Variants in DUSP15 observed in about 807,000 individuals in gnomAD.
DUSP15 encodes the protein dual specificity phosphatase 15.
In DUSP15, 23 loss-of-function variants were observed where a neutral mutation model predicts 26.3. The ratio of observed to expected loss-of-function variants is 0.87; its 90% confidence interval spans 0.63 to 1.24. The LOEUF is 1.24. Among genes scored for constraint, DUSP15 ranks in the 50% most tolerant of loss-of-function variants. The pLI is 0.00. For missense variants in DUSP15, 364 were observed against 320.6 expected (o/e 1.14, Z -1.03); for synonymous variants, 143 against 135.5 (o/e 1.06, Z -0.39).
intron 2 of DUSP15, among the ~76,000 whole-genome samples, chr20:31,868,229 G>A (rs746015980): frequency 6.6e-6 from 1 of 152,150 alleles, no homozygotes; most frequent in Non-Finnish European, 1.5e-5. Context: ...TGCCCTTATG[G>A]GGCCTGCACA....
chr20:31,857,473 C>T (rs1427478432), downstream of DUSP15, among the ~76,000 whole-genome samples: 7 of 152,050 alleles, frequency 4.6e-5, no homozygotes, highest in Non-Finnish European at 7.4e-5. Flanking sequence ...GGTTTTGACC[C>T]TCCCCTACCA....
intron 6 of DUSP15, among the ~76,000 whole-genome samples, chr20:31,851,052 T>C (rs1401575359): frequency 6.6e-6 from 1 of 152,202 alleles, no homozygotes; most frequent in Non-Finnish European, 1.5e-5. Flanking sequence ...GGCTGTCCAA[T>C]GTATTAGAAG....
In DUSP15 at chr20:31,870,428, C is replaced by G; in HGVS notation, c.-91G>C. 1 of 1,296,556 alleles carries G rather than the reference C, an allele frequency of 7.7e-7. No homozygotes were observed. Among genetic ancestry groups the G allele is most frequent in the East Asian group, 3.0e-5 (1 of 33,210 alleles). 80.3% of individuals were successfully genotyped at this position (1,296,556 alleles called of 1,614,324 possible). ...TGCCCTGACGGCCCAGGCCCGACGCCTGCAGCCTGGCGGGGAACGGGGGGC... is the reference window on the plus strand; with the variant it reads ...TGCCCTGACGGCCCAGGCCCGACGCGTGCAGCCTGGCGGGGAACGGGGGGC... On this transcript the variant is annotated 5_prime_UTR_variant, in exon 1 of 7. Coordinates refer to ENST00000339738, the MANE Select transcript of DUSP15 (RefSeq NM_080611.5). This position sits in a 1 kb window ranked among gnomAD's most constrained non-coding sequence, Gnocchi z 6.6.
At chr20:31,856,296 A>G (rs2062562147), downstream of DUSP15, among the ~76,000 whole-genome samples, 2 of 152,064 alleles carry the variant, frequency 1.3e-5, no homozygotes, top group Admixed American at 6.5e-5. Context: ...AGGGAGGGGC[A>G]GTTCATGGAT....
At chr20:31,849,671 C>A in intron 8 of DUSP15, 1 of 1,529,106 alleles carries the variant, frequency 6.5e-7, no homozygotes, top group South Asian at 1.2e-5. Context: ...AGCTGCACAC[C>A]GCGCTCCAGG....
In DUSP15 at chr20:31,848,869, CAG is replaced by C; in HGVS notation, c.661_662del (p.Leu221ValfsTer4). ...GGCCCGGGTCCTCCTCACCGAAGCA[CAG>C]ACAGATCTGGTACTTTGGGTCCGGT... is the stretch of plus-strand genomic sequence containing the variant. On this transcript the variant is annotated frameshift_variant, in exon 9 of 10. Coordinates refer to the DUSP15 transcript ENST00000278979. LOFTEE classifies it high-confidence loss of function. 6.2e-7 allele frequency: 1 copy of C among 1,612,300 alleles called. No individual in the cohort carries two copies. Among genetic ancestry groups the C allele is most frequent in the Non-Finnish European group, 8.5e-7 (1 of 1,179,598 alleles).
intron 6 of DUSP15, among the ~76,000 whole-genome samples, chr20:31,855,730 C>T (rs183706403): frequency 2.4e-4 from 37 of 152,312 alleles, no homozygotes; most frequent in Non-Finnish European, 5.3e-4. Context: ...CTACTATGTG[C>T]CAGGCACAGT....
At chr20:31,850,109 C>T (rs1292059510) in intron 7 of DUSP15, among the ~76,000 whole-genome samples, 2 of 152,212 alleles carry the variant, frequency 1.3e-5, no homozygotes, top group East Asian at 3.8e-4. Flanking sequence ...AAGCTGGGGC[C>T]ATCTGTACAG....
At chr20:31,845,599 T>C, downstream of DUSP15, 1 of 1,587,526 alleles carries the variant, frequency 6.3e-7, no homozygotes, top group East Asian at 2.2e-5. Context: ...CTTCCAGGGC[T>C]GGCGTCCGGA....
At chr20:31,857,491 C>A (rs188272273), downstream of DUSP15, among the ~76,000 whole-genome samples, 1 of 152,250 alleles carries the variant, frequency 6.6e-6, no homozygotes, top group Admixed American at 6.5e-5. Flanking sequence ...CCATAGCTCC[C>A]CATTGCCCTT....
At chr20:31,870,623 G>A, upstream of DUSP15, 4 of 1,351,442 alleles carry the variant, frequency 3.0e-6, no homozygotes, top group South Asian at 4.0e-5. The surrounding 1 kb of genome is among the most constrained non-coding windows in gnomAD (Gnocchi z 6.6). Flanking sequence ...CGGGGGGCCG[G>A]ACAAAGCCCC....
chr20:31,862,754 A>C lies in DUSP15; in HGVS notation c.264-12T>G. ...AGATGCCTGCAAAGCTGGGATCCCCAACAACCCCTCAGGCTTCAAGTAAGA... is the reference window on the plus strand; with the variant it reads ...AGATGCCTGCAAAGCTGGGATCCCCCACAACCCCTCAGGCTTCAAGTAAGA... On this transcript the variant is annotated splice_polypyrimidine_tract_variant and intron_variant, in intron 5 of 6. Coordinates refer to ENST00000339738, the MANE Select transcript of DUSP15 (RefSeq NM_080611.5). 1 of 1,586,510 alleles carries C rather than the reference A, an allele frequency of 6.3e-7. No individual in the cohort carries two copies. The highest frequency in any genetic ancestry group is 8.6e-7 in the Non-Finnish European group (1 of 1,161,306).
At chr20:31,856,435 G>A (rs561055210), downstream of DUSP15, among the ~76,000 whole-genome samples, 13 of 152,122 alleles carry the variant, frequency 8.5e-5, no homozygotes, top group Non-Finnish European at 1.5e-4. Context: ...TAAGGACTGC[G>A]GGGATTGCTG....
At chr20:31,861,015 T>TCCTGGCAGAATCCTGCTGCCC, downstream of DUSP15, 1 of 1,035,946 alleles carries the variant, frequency 9.7e-7, no homozygotes, top group Non-Finnish European at 1.2e-6. Flanking sequence ...TCCTGCTGGC[T>TCCTGGCAGAATCCTGCTGCCC]CCTGGCAGAA....
intron 6 of DUSP15, among the ~76,000 whole-genome samples, chr20:31,852,625 A>G (rs578257690): frequency 1.3e-5 from 2 of 152,276 alleles, no homozygotes; most frequent in African/African-American, 4.8e-5. Flanking sequence ...CCTGGCCAAC[A>G]TGGTGAAACC....
intron 8 of DUSP15, chr20:31,849,455 TC>T: frequency 3.3e-6 from 2 of 611,720 alleles, no homozygotes; most frequent in South Asian, 3.5e-5. Context: ...GTGCCCACTC[TC>T]CTCTGTTCAT....
chr20:31,861,764 G>A (rs1405788285), intron 6 of DUSP15, 89 bp from the exon 7 acceptor site: 1 of 1,057,664 alleles, frequency 9.5e-7, no homozygotes, highest in Non-Finnish European at 1.2e-6. Flanking sequence ...CCCGACCTTC[G>A]CCCTTCTCCG....
intron 1 of DUSP15, chr20:31,869,995 G>T (rs536210918): frequency 3.9e-5 from 52 of 1,335,254 alleles, no homozygotes; most frequent in Non-Finnish European, 4.9e-5. Context: ...GGAGAGAGCC[G>T]AGGAGTCAGC....
chr20:31,847,870 A>G (rs2062394185), exon 10 of DUSP15: 1 of 152,304 alleles, frequency 6.6e-6, no homozygotes. Flanking sequence ...GTTAGCATCC[A>G]AAGCCCAGGG....
Sources: gnomAD v4.1 joint callset for allele counts (sites outside exome capture counted in the v4.1 genomes callset) on GRCh38, gnomAD v4.1.1 for gene constraint, Gnocchi (gnomAD v3.1) non-coding constraint, MANE v1.5 for transcripts, NCBI Gene and HGNC (gene_info 2026-07-23, HGNC 2026-07-21) for gene names.